Variants in AVIL observed in about 807,000 individuals in gnomAD.
The protein encoded by AVIL is advillin.
Under a neutral mutation model 109.9 loss-of-function variants are expected in AVIL, and 78 were observed. The ratio of observed to expected loss-of-function variants is 0.71; its 90% confidence interval spans 0.59 to 0.86. AVIL has a LOEUF of 0.86. AVIL is among the 40% of genes least tolerant of loss of function. The pLI is 0.00. For missense variants in AVIL, 892 were observed against 1,016.5 expected, an observed-to-expected ratio of 0.88 and a Z score of 1.67; for synonymous variants, 367 against 379.1, an observed-to-expected ratio of 0.97 and a Z score of 0.37.
chr12:57,808,707 C>T, intron 9 of AVIL, 159 bp from the exon 10 acceptor site: 1 of 834,026 alleles, frequency 1.2e-6, no homozygotes, highest in Non-Finnish European at 1.8e-6. Flanking sequence ...GACCAAGGTA[C>T]CTGCCTAAAA....
chr12:57,814,494 G>C (rs894607752), intron 2 of AVIL: 4 of 429,740 alleles, frequency 9.3e-6, no homozygotes, highest in Admixed American at 3.5e-5. Context: ...CTTCCCACCC[G>C]ATCTCATCTC....
chr12:57,800,164 C>T, intron 18 of AVIL: 1 of 424,898 alleles, frequency 2.4e-6, no homozygotes. Context: ...TCCTGTATAG[C>T]TAGTTTGGCA....
At chr12:57,815,890 G>A in intron 2 of AVIL, 85 bp downstream of exon 2, 4 of 1,598,202 alleles carry the variant, frequency 2.5e-6, no homozygotes, top group Non-Finnish European at 3.4e-6. Context: ...AGGGGTGCTG[G>A]CGGGCTGTTG....
chr12:57,806,389 G>C lies in AVIL; in HGVS notation c.1642C>G (p.Gln548Glu), dbSNP rs1955946266. ...CCATACCACAGGTAGTGCTCTGCCT[G>C]AGTTCGCAGCAGAAAGACATCATTG... ...NSNDVFLLRTQAEHYLWYGKG... is the reference protein window; with the variant it reads ...NSNDVFLLRTEAEHYLWYGKG... Residue 548 changes from glutamine to glutamate, a missense_variant, in exon 14 of 20, where the codon CAG (glutamine) becomes GAG (glutamate). Gln to Glu is a conservative substitution (Grantham distance 29). Transcript: ENST00000549994. The C allele has an allele frequency of 1.2e-6, 2 of 1,613,996 alleles. No individual in the cohort carries two copies. The highest frequency in any genetic ancestry group is 2.2e-5 in the South Asian group (2 of 91,084).
intron 2 of AVIL, chr12:57,814,431 G>A (rs1403994613): frequency 1.2e-5 from 7 of 567,024 alleles, no homozygotes; most frequent in South Asian, 4.1e-5. Flanking sequence ...GCATCACCCC[G>A]GATCTGAACC....
At chr12:57,802,909 A>T in intron 16 of AVIL, 1 of 534,388 alleles carries the variant, frequency 1.9e-6, no homozygotes, top group South Asian at 2.8e-5. Flanking sequence ...TAGTCTACTG[A>T]CTGCCTTTGT....
At chr12:57,798,503 A>G (rs1955780748) in intron 19 of AVIL, among the ~76,000 whole-genome samples, 1 of 152,212 alleles carries the variant, frequency 6.6e-6, no homozygotes, top group Non-Finnish European at 1.5e-5. Flanking sequence ...TGCTTTCAAG[A>G]AAATTGTAGT....
intron 11 of AVIL, 64 bp downstream of exon 11, chr12:57,808,130 C>T (rs1040697428): frequency 1.2e-5 from 19 of 1,551,302 alleles, no homozygotes; most frequent in South Asian, 5.6e-5. Flanking sequence ...TGCACCCCTG[C>T]CCCCAGCAGG....
At chr12:57,812,708 G>T (rs1270469834) in intron 4 of AVIL, among the ~76,000 whole-genome samples, 2 of 140,750 alleles carry the variant, frequency 1.4e-5, no homozygotes, top group Non-Finnish European at 3.2e-5. Context: ...ATATGTCTTA[G>T]TCTGTTTCTT....
intron 18 of AVIL, chr12:57,800,172 G>C: frequency 2.5e-6 from 1 of 393,696 alleles, no homozygotes; most frequent in East Asian, 4.3e-5. Flanking sequence ...AGCTAGTTTG[G>C]CATACATCTT....
Position 57,808,467 on chromosome 12 carries a change from G to A in AVIL, c.1021C>T (p.Gln341Ter), listed in dbSNP as rs1955987596. Residue 341 changes from glutamine to a stop codon, truncating the protein, a stop_gained, in exon 10 of 20, where the codon CAG (glutamine) becomes TAG (stop). Transcript: ENST00000549994. LOFTEE classifies it high-confidence loss of function. ...TTTACTGACCACTTCTGGAACAGCT[G>A]CTTGAACATGGCCGACTCAGCACCA... ...NDGAESAMFKQLFQKWSVKDQ... is the reference protein window; with the variant it reads ...NDGAESAMFK 1.9e-6 allele frequency: 3 copies of A among 1,614,190 alleles called. No individual in the cohort carries two copies. Among genetic ancestry groups the A allele is most frequent in the Non-Finnish European group, 8.5e-7 (1 of 1,180,040 alleles).
chr12:57,811,864 T>C (rs1279014731), intron 4 of AVIL, among the ~76,000 whole-genome samples: 1 of 152,250 alleles, frequency 6.6e-6, no homozygotes, highest in Non-Finnish European at 1.5e-5. Flanking sequence ...ATCATCAGCC[T>C]TCGCTCCCTC....
intron 13 of AVIL, 41 bp downstream of exon 13, chr12:57,807,290 A>C: frequency 6.2e-7 from 1 of 1,613,888 alleles, no homozygotes; most frequent in Non-Finnish European, 8.5e-7. Context: ...TTAGTTTGGA[A>C]CGTTCCAGCT....
Position 57,803,148 on chromosome 12 carries a change from G to C in AVIL, c.1962+99C>G. 2.0e-6 allele frequency: 3 copies of C among 1,487,068 alleles called. No individual in the cohort carries two copies. In the South Asian group the frequency reaches 3.7e-5, roughly 18 times the overall value. The allele number at this position is 1,487,068 out of a possible 1,614,324, so 92.1% of individuals were successfully genotyped here. On this transcript the variant is annotated intron_variant, in intron 16 of 19. Coordinates refer to ENST00000549994, the MANE Select transcript of AVIL (RefSeq NM_006576.4). Reference sequence around the variant, plus strand: ...GTTTGATTGAGCTGGGGATGGTCCAGGGCTACCCTGGGTTTATTCTAGGGT... The same window carrying C: ...GTTTGATTGAGCTGGGGATGGTCCACGGCTACCCTGGGTTTATTCTAGGGT...
At chr12:57,799,353 A>G (rs1429257161) in intron 19 of AVIL, among the ~76,000 whole-genome samples, 1 of 152,232 alleles carries the variant, frequency 6.6e-6, no homozygotes, top group Admixed American at 6.5e-5. Flanking sequence ...TGGTATATGA[A>G]ATGAAATCAG....
intron 11 of AVIL, 159 bp from the exon 12 acceptor site, chr12:57,807,886 C>T (rs1330065783): frequency 7.3e-6 from 8 of 1,088,510 alleles, no homozygotes; most frequent in Admixed American, 1.9e-5. Flanking sequence ...ATCACATTTG[C>T]ATGATTTGAA....
At chr12:57,809,720 G>A in intron 8 of AVIL, 25 bp from the exon 9 acceptor site, 1 of 1,614,004 alleles carries the variant, frequency 6.2e-7, no homozygotes, top group African/African-American at 1.3e-5. Flanking sequence ...GATAGGTATG[G>A]TTGCTCAAGA....
rs778138287 is a variant in AVIL, at chr12:57,815,576, A to C, written c.66+399T>G. 3 of 1,250,800 alleles carry C rather than the reference A, an allele frequency of 2.4e-6. No individual in the cohort carries two copies. The South Asian group carries it at 4.1e-5, about 17-fold the overall frequency. 77.5% of individuals were successfully genotyped at this position (1,250,800 alleles called of 1,614,324 possible). ...CTCCTCATCTCTGCAGTGCCCCCTC[A>C]CCTCTCCCCATATTTTGTAGGAGCC... On this transcript the variant is annotated intron_variant, in intron 2 of 19. Coordinates refer to ENST00000549994, the MANE Select transcript of AVIL (RefSeq NM_006576.4).
rs761448851 is a variant in AVIL at position 57,806,421 on chromosome 12, A to G, written c.1610T>C (p.Leu537Pro). ...CAGCAGAAAGACATCATTGGAGTTT[A>G]GGGAGGAGGCAAAGGCTGGAACTTC... is the stretch of plus-strand genomic sequence containing the variant. ...AVEVPAFASS[L>P]NSNDVFLLRT... The change falls in exon 14 of 20, where the codon CTA (leucine) becomes CCA (proline). Residue 537 changes from leucine (L) to proline (P), a missense_variant. Coordinates refer to ENST00000549994, the MANE Select transcript of AVIL (RefSeq NM_006576.4). 1.2e-6 allele frequency: 2 copies of G among 1,614,126 alleles called. No homozygotes were observed. Among genetic ancestry groups the G allele is most frequent in the Non-Finnish European group, 1.7e-6 (2 of 1,180,016 alleles).
Sources: gnomAD v4.1 joint callset for allele counts (sites outside exome capture counted in the v4.1 genomes callset) on GRCh38, gnomAD v4.1.1 for gene constraint, MANE v1.5 for transcripts, NCBI Gene and HGNC (gene_info 2026-07-23, HGNC 2026-07-21) for gene names.